The following HELLS variants were observed in gnomAD, a reference collection of about 807,000 sequenced individuals.
HELLS encodes the protein lymphoid-specific helicase.
In HELLS, 32 loss-of-function variants were observed where a neutral mutation model predicts 120.0. The ratio of observed to expected loss-of-function variants is 0.27; its 90% CI spans 0.20 to 0.36. The LOEUF (loss-of-function observed/expected upper bound fraction) is 0.36, where lower values mean the gene tolerates loss of function less well. Among genes scored for constraint, HELLS ranks in the 10% least tolerant of loss-of-function variants. HELLS has a pLI of 1.00. For missense variants in HELLS, 650 were observed against 993.4 expected (o/e 0.65, Z 4.65); for synonymous variants, 341 against 323.4 (o/e 1.05, Z -0.58).
In HELLS at chr10:94,594,759, T is replaced by G; in HGVS notation, c.2153T>G (p.Val718Gly). The G allele has an allele frequency of 6.2e-7, 1 of 1,613,816 alleles. No homozygotes were observed. The highest frequency in any genetic ancestry group is 1.1e-5 in the South Asian group (1 of 91,084). The change falls in exon 19 of 22, where the codon GTT (valine) becomes GGT (glycine). Residue 718 changes from valine to glycine, a missense_variant. By Grantham distance (109) the Val-to-Gly change is moderately radical. Coordinates refer to ENST00000348459, the MANE Select transcript of HELLS (RefSeq NM_018063.5). ...CHRIGQTKPV[V>G]VYRLVTANTI... ...AGAATTGGTCAGACAAAGCCAGTTGTTGTTTATCGCCTTGTTACAGCAAAT... is the reference window on the plus strand; with the variant it reads ...AGAATTGGTCAGACAAAGCCAGTTGGTGTTTATCGCCTTGTTACAGCAAAT...
chr10:94,548,162 C>T (rs1056666601), intron 2 of HELLS, among the ~76,000 whole-genome samples: 1 of 152,124 alleles, frequency 6.6e-6, no homozygotes, highest in Non-Finnish European at 1.5e-5. Flanking sequence ...GTAGGCTTTG[C>T]ACCTGGCACA....
At chr10:94,566,993 T>G (rs1405114208) in intron 6 of HELLS, among the ~76,000 whole-genome samples, 2 of 152,138 alleles carry the variant, frequency 1.3e-5, no homozygotes, top group African/African-American at 2.4e-5. Flanking sequence ...TACTTCTTTC[T>G]TCTGTATATT....
chr10:94,558,602 A>G (rs7922956), intron 4 of HELLS, among the ~76,000 whole-genome samples: 44,795 of 150,202 alleles, frequency 0.3, 7,650 homozygotes, highest in Admixed American at 0.44. Context: ...CTCTTACTCT[A>G]TTTTTTTTTT....
chr10:94,567,582 C>T (rs550100117), intron 6 of HELLS, among the ~76,000 whole-genome samples: 1 of 152,304 alleles, frequency 6.6e-6, no homozygotes, highest in South Asian at 2.1e-4. Context: ...CAGGCATGAG[C>T]CACTGCACCG....
chr10:94,571,430 G>T lies in HELLS; in HGVS notation c.477+1G>T. On this transcript the variant is annotated splice_donor_variant, in intron 7 of 21. Transcript: ENST00000348459. LOFTEE classifies it high-confidence loss of function. ...TAAAAAAAATAAAAAGGAGAATGAGGTAAGAAATTTATAATGTAAGATTAA... is the reference window on the plus strand; with the variant it reads ...TAAAAAAAATAAAAAGGAGAATGAGTTAAGAAATTTATAATGTAAGATTAA... The T allele has an allele frequency of 6.7e-7, 1 of 1,497,826 alleles. No individual in the cohort carries two copies. The highest frequency in any genetic ancestry group is 9.2e-7 in the Non-Finnish European group (1 of 1,087,604). The allele number at this position is 1,497,826 out of a possible 1,614,324, so 92.8% of individuals were successfully genotyped here.
rs117982645 is a variant in HELLS at position 94,599,734 on chromosome 10, T to A, written c.2423-1794T>A. Among the ~76,000 whole-genome samples, 9 of 152,340 alleles carry A rather than the reference T, an allele frequency of 5.9e-5. No individual in the cohort carries two copies. In the East Asian group the frequency reaches 1.3e-3, roughly 23 times the overall value. On this transcript the variant is annotated intron_variant, in intron 21 of 21. Transcript: ENST00000348459. ...AATAGAATTTAAGAAGATTGCTTAT[T>A]AATAATATGTGTAACAGCAATAATT...
intron 1 of HELLS, 92 bp downstream of exon 1, chr10:94,546,044 C>T (rs1040571391): frequency 4.2e-6 from 6 of 1,418,600 alleles, no homozygotes; most frequent in Admixed American, 3.9e-5. Context: ...GGGGAGGGAG[C>T]CGACCCCGGG....
intron 9 of HELLS, among the ~76,000 whole-genome samples, chr10:94,575,025 G>C (rs534598653): frequency 6.7e-6 from 1 of 149,216 alleles, no homozygotes; most frequent in Non-Finnish European, 1.5e-5. Context: ...AATTCTGCTT[G>C]TTCTTCACTT....
chr10:94,557,169 T>C, intron 3 of HELLS: 1 of 425,734 alleles, frequency 2.3e-6, no homozygotes, highest in Non-Finnish European at 4.8e-6. Flanking sequence ...ATTGTTTGTC[T>C]TTCCACTAGA....
Position 94,574,749 on chromosome 10 carries a change from T to C in HELLS, c.888+13T>C. On this transcript the variant is annotated intron_variant, in intron 9 of 21. Transcript: ENST00000348459. Reference sequence around the variant, plus strand: ...ATTTACACCAGATGTAAGACATGCTTCCTTATGTTAAAATTATAATTTTAC... The same window carrying C: ...ATTTACACCAGATGTAAGACATGCTCCCTTATGTTAAAATTATAATTTTAC... 1 of 1,588,712 alleles carries C rather than the reference T, an allele frequency of 6.3e-7. No individual in the cohort carries two copies. Among genetic ancestry groups the C allele is most frequent in the African/African-American group, 1.4e-5 (1 of 73,928 alleles).
chr10:94,565,715 T>C (rs773606499), intron 6 of HELLS, among the ~76,000 whole-genome samples: 10 of 152,142 alleles, frequency 6.6e-5, no homozygotes, highest in Non-Finnish European at 1.5e-4. Flanking sequence ...ACTTTTAATA[T>C]GCCATACTGA....
In HELLS at chr10:94,598,543, G is replaced by A. The variant is rs571024735; in HGVS notation, c.2422+1432G>A. On this transcript the variant is annotated intron_variant, in intron 21 of 21. Coordinates refer to ENST00000348459, the MANE Select transcript of HELLS (RefSeq NM_018063.5). ...GTCATGATATCTTATTTTCAAATAT[G>A]TTGTTCATTTTAAAATTCAATTCTG... Among the ~76,000 whole-genome samples the A allele has an allele frequency of 8.6e-5, 13 of 150,424 alleles. No individual in the cohort carries two copies. In the East Asian group the frequency reaches 1.7e-3, roughly 20 times the overall value.
At chr10:94,571,533 C>A in intron 7 of HELLS, 104 bp downstream of exon 7, 1 of 942,848 alleles carries the variant, frequency 1.1e-6, no homozygotes, top group East Asian at 3.0e-5. Flanking sequence ...CACTATTATC[C>A]TGTTTCTTTG....
Position 94,580,147 on chromosome 10 carries a change from AT to A in HELLS, c.1033-1178del, listed in dbSNP as rs1564602523. On this transcript the variant is annotated intron_variant, in intron 10 of 21. Transcript: ENST00000348459. ...TATATATATATATATATATATATAT[AT>A]ATATATATATATATACACACACACA... is the stretch of plus-strand genomic sequence containing the variant. Among the ~76,000 whole-genome samples the A allele has an allele frequency of 3.9e-3, 293 of 74,806 alleles. 4 individuals carry two copies. The highest frequency in any genetic ancestry group is 0.017 in the African/African-American group (245 of 14,826). The allele number at this position is 74,806 out of a possible 152,430, so 49.1% of individuals were successfully genotyped here.
intron 3 of HELLS, 63 bp from the exon 4 acceptor site, chr10:94,558,076 T>G: frequency 6.6e-7 from 1 of 1,523,800 alleles, no homozygotes; most frequent in Non-Finnish European, 8.8e-7. Flanking sequence ...TGAGAATTGA[T>G]ATGCGTTTTT....
intron 12 of HELLS, among the ~76,000 whole-genome samples, chr10:94,586,688 T>G (rs11188035): frequency 0.031 from 4,697 of 151,774 alleles, 207 homozygotes; most frequent in African/African-American, 0.096. Context: ...TTTATTATTA[T>G]TAGTAGTAGT....
downstream of HELLS, among the ~76,000 whole-genome samples, chr10:94,603,013 G>T (rs1302215267): frequency 6.6e-6 from 1 of 152,102 alleles, no homozygotes; most frequent in African/African-American, 2.4e-5. Flanking sequence ...ATTGCCCTGA[G>T]AAAATAGACG....
downstream of HELLS, among the ~76,000 whole-genome samples, chr10:94,603,254 G>A (rs1327254587): frequency 1.3e-5 from 2 of 152,230 alleles, no homozygotes; most frequent in East Asian, 1.9e-4. Context: ...TGTTTTTTCT[G>A]AACCCATTCC....
Position 94,594,839 on chromosome 10 carries a change from T to A in HELLS, c.2233T>A (p.Leu745Met). ...RAAAKRKLEK[L>M]IIHKNHFKGG... ...AGCTGCTAAAAGGAAACTGGAAAAG[T>A]TGATCATCCATAAAAGTAAATAACA... is the stretch of plus-strand genomic sequence containing the variant. The change falls in exon 19 of 22, where the codon TTG (leucine) becomes ATG (methionine). Residue 745 changes from leucine to methionine, a missense_variant. By Grantham distance (15) the Leu-to-Met change is conservative. This residue lies in a region of HELLS where 90 missense variants were observed against 109.2 expected (regional missense o/e 0.82). Transcript: ENST00000348459. The A allele has an allele frequency of 6.2e-7, 1 of 1,611,844 alleles. No individual in the cohort carries two copies. Among genetic ancestry groups the A allele is most frequent in the Non-Finnish European group, 8.5e-7 (1 of 1,178,382 alleles).
Sources: allele counts gnomAD v4.1 joint callset (sites outside exome capture counted in the v4.1 genomes callset), GRCh38; gene constraint gnomAD v4.1.1; regional missense constraint gnomAD v4.1.1; transcripts MANE v1.5; gene names NCBI Gene and HGNC (gene_info 2026-07-23, HGNC 2026-07-21).